FAM53B: variants seen among roughly 807,000 people sequenced by gnomAD.
FAM53B encodes the protein protein FAM53B.
FAM53B carries 12 observed loss-of-function variants against 32.7 expected under a neutral mutation model. The ratio of observed to expected loss-of-function variants is 0.37; its 90% CI spans 0.24 to 0.59. The LOEUF (loss-of-function observed/expected upper bound fraction) is 0.59. FAM53B is among the 20% of genes least tolerant of loss of function. The pLI is 0.72. For missense variants in FAM53B, 477 were observed against 577.7 expected, an observed-to-expected ratio of 0.83 and a Z score of 1.79; for synonymous variants, 234 against 228.7, an observed-to-expected ratio of 1.02 and a Z score of -0.21.
rs147631664 is a variant in FAM53B, at chr10:124,664,188, C to A, written c.906+17419G>T. Among the ~76,000 whole-genome samples the A allele has an allele frequency of 2.3e-3, 355 of 152,144 alleles. 3 individuals carry two copies. Among genetic ancestry groups the A allele is most frequent in the African/African-American group, 8.3e-3 (343 of 41,510 alleles). On this transcript the variant is annotated intron_variant, in intron 4 of 4. Coordinates refer to ENST00000337318, the MANE Select transcript of FAM53B (RefSeq NM_014661.4). ...ATGGAGCTTGCACACACTGGCACCT[C>A]CCCTAGGGCTGGCCCCCAGGGCTGC... is the stretch of plus-strand genomic sequence containing the variant.
At chr10:124,711,018 A>G (rs1189957237) in intron 1 of FAM53B, among the ~76,000 whole-genome samples, 1 of 152,228 alleles carries the variant, frequency 6.6e-6, no homozygotes, top group Non-Finnish European at 1.5e-5. Context: ...AAATGTTTGT[A>G]ACAGCCCTTT....
At chr10:124,736,061 A>G (rs1950171542) in intron 1 of FAM53B, among the ~76,000 whole-genome samples, 2 of 152,254 alleles carry the variant, frequency 1.3e-5, no homozygotes, top group African/African-American at 4.8e-5. Context: ...TGGGCTTTGC[A>G]GCAGAACCCC....
intron 4 of FAM53B, among the ~76,000 whole-genome samples, chr10:124,668,190 G>A (rs1360463027): frequency 6.6e-6 from 1 of 152,232 alleles, no homozygotes; most frequent in Non-Finnish European, 1.5e-5. Flanking sequence ...CATTTCAGAT[G>A]AGATATTTTT....
At chr10:124,642,807 G>A (rs1468912401) in intron 4 of FAM53B, among the ~76,000 whole-genome samples, 3 of 152,196 alleles carry the variant, frequency 2.0e-5, no homozygotes, top group African/African-American at 7.2e-5. Flanking sequence ...GGTGGAGGTC[G>A]GTCTAGGAGA....
chr10:124,652,829 T>G (rs1166958788), intron 4 of FAM53B, among the ~76,000 whole-genome samples: 1 of 151,912 alleles, frequency 6.6e-6, no homozygotes, highest in Non-Finnish European at 1.5e-5. Context: ...AAGGCAAAAA[T>G]CTACTAGCTG....
chr10:124,716,621 T>C (rs1950040088), intron 1 of FAM53B, among the ~76,000 whole-genome samples: 1 of 152,212 alleles, frequency 6.6e-6, no homozygotes, highest in Non-Finnish European at 1.5e-5. Flanking sequence ...AGAGTCCATT[T>C]ATCAATGAAA....
intron 1 of FAM53B, among the ~76,000 whole-genome samples, chr10:124,717,568 T>A (rs992742273): frequency 5.9e-5 from 9 of 152,188 alleles, no homozygotes; most frequent in Non-Finnish European, 1.3e-4. Flanking sequence ...TGACCTCCCA[T>A]AAAGCAGAGT....
At chr10:124,625,543 C>T (rs1949341725) in intron 4 of FAM53B, among the ~76,000 whole-genome samples, 1 of 152,190 alleles carries the variant, frequency 6.6e-6, no homozygotes, top group Admixed American at 6.5e-5. Flanking sequence ...CTCACCGGCT[C>T]CTGGCCAGGC....
At chr10:124,735,990 G>A (rs754493524) in intron 1 of FAM53B, among the ~76,000 whole-genome samples, 2 of 152,210 alleles carry the variant, frequency 1.3e-5, no homozygotes, top group African/African-American at 4.8e-5. Context: ...CCTCTGTGAC[G>A]CCAAACAGTC....
intron 4 of FAM53B, among the ~76,000 whole-genome samples, chr10:124,650,992 C>T (rs1270161962): frequency 2.0e-5 from 3 of 152,032 alleles, no homozygotes; most frequent in African/African-American, 4.8e-5. Context: ...AGAGGCTCCA[C>T]GCATGTGAAT....
At chr10:124,740,194 T>C (rs1190300147) in intron 1 of FAM53B, among the ~76,000 whole-genome samples, 1 of 152,062 alleles carries the variant, frequency 6.6e-6, no homozygotes, top group Non-Finnish European at 1.5e-5. Context: ...AGAATCCGAG[T>C]TCTCCCTGAC....
chr10:124,711,723 C>T (rs1275412990), intron 1 of FAM53B, among the ~76,000 whole-genome samples: 1 of 152,142 alleles, frequency 6.6e-6, no homozygotes, highest in Non-Finnish European at 1.5e-5. Flanking sequence ...CTGGCCTTCG[C>T]CATGAAATCA....
chr10:124,623,538 G>A lies in FAM53B; in HGVS notation c.973C>T (p.Pro325Ser). ...AGTEDCGPQSPFARHVSNTRA... is the reference protein window; with the variant it reads ...AGTEDCGPQSSFARHVSNTRA... ...GTGTTGCTGACGTGGCGGGCGAAGG[G>A]GCTCTGGGGACCGCAGTCCTCTGTC... The change falls in exon 5 of 5, where the codon CCC becomes TCC. Residue 325 changes from proline (P) to serine (S), a missense_variant. By Grantham distance (74) the Pro-to-Ser change is moderately conservative. Around this residue, in one of 2 missense-constraint regions of FAM53B, gnomAD observed 165 missense variants for 157.5 expected, o/e 1.05. Coordinates refer to ENST00000337318, the MANE Select transcript of FAM53B (RefSeq NM_014661.4). 1 of 1,563,592 alleles carries A rather than the reference G, an allele frequency of 6.4e-7. No individual in the cohort carries two copies.
chr10:124,702,708 C>T (rs1949923252), intron 2 of FAM53B, among the ~76,000 whole-genome samples: 1 of 152,164 alleles, frequency 6.6e-6, no homozygotes, highest in African/African-American at 2.4e-5. Flanking sequence ...GGCTCAAGGA[C>T]AGGGAGGAGG....
At position 124,744,370 on chromosome 10, in the gene FAM53B, G is replaced by A. The variant is rs1453743059; in HGVS notation, c.-532C>T. On this transcript the variant is annotated 5_prime_UTR_variant, in exon 1 of 5. Coordinates refer to ENST00000337318, the MANE Select transcript of FAM53B (RefSeq NM_014661.4). Reference sequence around the variant, plus strand: ...GGCGTGCGGCGGCGGCGGCAGGCGAGTGTGCAGTGCGCGCAGCCGCCGATG... The same window carrying A: ...GGCGTGCGGCGGCGGCGGCAGGCGAATGTGCAGTGCGCGCAGCCGCCGATG... 7.0e-6 allele frequency: 1 copy of A among 143,738 alleles called. No individual in the cohort carries two copies. The highest frequency in any genetic ancestry group is 1.9e-4 in the South Asian group (1 of 5,156). 8.9% of individuals were successfully genotyped at this position (143,738 alleles called of 1,614,324 possible).
intron 4 of FAM53B, among the ~76,000 whole-genome samples, chr10:124,625,767 A>G (rs1233193603): frequency 6.6e-6 from 1 of 152,180 alleles, no homozygotes; most frequent in African/African-American, 2.4e-5. Context: ...GGGGGCACAA[A>G]ACAGGGGCAA....
chr10:124,682,143 A>G lies in FAM53B; in HGVS notation c.370T>C (p.Ser124Pro). 6.2e-7 allele frequency: 1 copy of G among 1,613,628 alleles called. No individual in the cohort carries two copies. Among genetic ancestry groups the G allele is most frequent in the South Asian group, 1.1e-5 (1 of 91,018 alleles). ...GGCCTCCATGATGTCCGGCAACTGG[A>G]CATCTCATCGGAGAAGGACAGTGAG... ...CRSLSFSDEM[S>P]SCRTSWRPLG... The change falls in exon 4 of 5, where the codon TCC becomes CCC. Residue 124 changes from serine (S) to proline (P), a missense_variant. Ser to Pro is a moderately conservative substitution (Grantham distance 74). Coordinates refer to ENST00000337318, the MANE Select transcript of FAM53B (RefSeq NM_014661.4). The surrounding 1 kb of genome is among the most constrained non-coding windows in gnomAD (Gnocchi z 5.2).
intron 3 of FAM53B, among the ~76,000 whole-genome samples, chr10:124,684,998 T>C (rs796357834): frequency 1.3e-5 from 2 of 152,300 alleles, no homozygotes; most frequent in African/African-American, 4.8e-5. Context: ...CGTCTTACAG[T>C]AGGGGCCGGT....
Position 124,623,570 on chromosome 10 carries a change from C to T in FAM53B, c.941G>A (p.Ser314Asn). 1 of 1,607,478 alleles carries T rather than the reference C, an allele frequency of 6.2e-7. No individual in the cohort carries two copies. Among genetic ancestry groups the T allele is most frequent in the East Asian group, 2.2e-5 (1 of 44,792 alleles). Residue 314 changes from serine (S) to asparagine (N), a missense_variant, in exon 5 of 5, where the codon AGC becomes AAC. Coordinates refer to ENST00000337318, the MANE Select transcript of FAM53B (RefSeq NM_014661.4). ...CQTFSSLSCL[S>N]AGTEDCGPQS... ...GGGACCGCAGTCCTCTGTCCCTGCG[C>T]TCAGGCAGCTGAGGCTGCTGAAGGT...
Sources: allele counts gnomAD v4.1 joint callset (sites outside exome capture counted in the v4.1 genomes callset), GRCh38; gene constraint gnomAD v4.1.1; regional missense constraint gnomAD v4.1.1; non-coding constraint Gnocchi (gnomAD v3.1); transcripts MANE v1.5; gene names NCBI Gene and HGNC (gene_info 2026-07-23, HGNC 2026-07-21).